LYRM4: variants seen among roughly 807,000 people sequenced by gnomAD.
LYRM4 encodes the protein LYR motif containing 4.
In LYRM4, 9 loss-of-function variants were observed where a neutral mutation model predicts 11.7. That is an observed-to-expected ratio of 0.77 (90% confidence interval 0.46 to 1.34). The LOEUF (loss-of-function observed/expected upper bound fraction) is 1.34. Ranked by LOEUF, LYRM4 falls within the 40% of genes most tolerant of loss-of-function variation. LYRM4 has a pLI of 0.00. For synonymous variants in LYRM4, 42 were observed against 40.4 expected, an observed-to-expected ratio of 1.04 and a Z score of -0.15; for missense variants, 133 against 112.5, an observed-to-expected ratio of 1.18 and a Z score of -0.82.
chr6:5,046,743 C>G, the LYRM4 span, among the ~76,000 whole-genome samples: 1 of 152,148 alleles, frequency 6.6e-6, no homozygotes, highest in Non-Finnish European at 1.5e-5. Flanking sequence ...TTTCTAATGA[C>G]CTAGTCTGAG....
chr6:5,166,997 G>A lies in LYRM4; in HGVS notation c.207+49621C>T, dbSNP rs140664262. On this transcript the variant is annotated intron_variant, in intron 2 of 2. Transcript: ENST00000330636. ...AGCCTCCCAAGATGCTGGTTTTATAGGTGAGAGCTGCCGGCCCAGCCCAAT... is the reference window on the plus strand; with the variant it reads ...AGCCTCCCAAGATGCTGGTTTTATAAGTGAGAGCTGCCGGCCCAGCCCAAT... Among the ~76,000 whole-genome samples, 27 of 152,216 alleles carry A rather than the reference G, an allele frequency of 1.8e-4. No homozygotes were observed. The East Asian group carries it at 4.4e-3, about 25-fold the overall frequency.
At chr6:5,086,440 G>T in the LYRM4 span, 2 of 1,536,602 alleles carry the variant, frequency 1.3e-6, no homozygotes, top group South Asian at 2.4e-5. Context: ...AGAGGACGCC[G>T]ACGAGCGCGG....
rs997423953 is a variant in LYRM4, at chr6:5,113,938, T to C, written c.208-4447A>G. On this transcript the variant is annotated intron_variant, in intron 2 of 2. Transcript: ENST00000330636. ...GAGCCTACGTTATGAAAATTTGAGA[T>C]AACCACATGAGATAACTGTGGCCTG... 2.0e-5 allele frequency among the ~76,000 whole-genome samples: 3 copies of C among 152,258 alleles called. No homozygotes were observed. In the East Asian group the frequency reaches 5.8e-4, roughly 29 times the overall value.
intron 2 of LYRM4, among the ~76,000 whole-genome samples, chr6:5,211,761 A>C (rs1007699044): frequency 9.9e-5 from 15 of 152,250 alleles, no homozygotes; most frequent in Non-Finnish European, 1.8e-4. Context: ...CATCCAGTTT[A>C]TCTTCTTACT....
chr6:5,054,187 A>C, the LYRM4 span: 28 of 788,682 alleles, frequency 3.6e-5, no homozygotes, highest in African/African-American at 4.7e-4. Flanking sequence ...GGGGTGGGAA[A>C]GGAAGGAAAG....
intron 1 of LYRM4, among the ~76,000 whole-genome samples, chr6:5,223,738 T>C (rs1581542638): frequency 2.0e-5 from 3 of 152,082 alleles, no homozygotes; most frequent in African/African-American, 7.2e-5. Context: ...AGTGAAATAA[T>C]TGAGTTTAAT....
chr6:5,083,672 A>G, the LYRM4 span, among the ~76,000 whole-genome samples: 1 of 152,212 alleles, frequency 6.6e-6, no homozygotes. Context: ...GACATCCTGT[A>G]GGTGCTCAGT....
At chr6:5,164,080 C>T (rs1465872391) in intron 2 of LYRM4, among the ~76,000 whole-genome samples, 1 of 152,044 alleles carries the variant, frequency 6.6e-6, no homozygotes, top group African/African-American at 2.4e-5. Flanking sequence ...AAAAATAATA[C>T]AGGAAATACC....
At chr6:5,201,855 T>C (rs1295733641) in intron 2 of LYRM4, among the ~76,000 whole-genome samples, 2 of 152,338 alleles carry the variant, frequency 1.3e-5, no homozygotes, top group East Asian at 1.9e-4. Context: ...CAGCATGATA[T>C]GGTGATGGAG....
chr6:5,237,280 T>C (rs1763605736), intron 1 of LYRM4, among the ~76,000 whole-genome samples: 1 of 152,028 alleles, frequency 6.6e-6, no homozygotes, highest in South Asian at 2.1e-4. Flanking sequence ...GGCATTAGAT[T>C]CTCATAGGAG....
chr6:5,077,445 T>C, the LYRM4 span, among the ~76,000 whole-genome samples: 1 of 152,284 alleles, frequency 6.6e-6, no homozygotes. Context: ...GATGTGGAAG[T>C]GGGAGGTCGC....
chr6:5,175,331 G>C (rs992456815), intron 2 of LYRM4, among the ~76,000 whole-genome samples: 1 of 152,128 alleles, frequency 6.6e-6, no homozygotes, highest in African/African-American at 2.4e-5. Flanking sequence ...CCTCCGTTTG[G>C]AACAGCTGTC....
chr6:5,037,543 T>C, the LYRM4 span, among the ~76,000 whole-genome samples: 2 of 73,600 alleles, frequency 2.7e-5, no homozygotes, highest in Non-Finnish European at 6.5e-5. Context: ...CCAGACGGGG[T>C]CCTGGCCGGG....
chr6:5,194,012 G>A (rs991939614), intron 2 of LYRM4, among the ~76,000 whole-genome samples: 4 of 146,684 alleles, frequency 2.7e-5, no homozygotes, highest in Admixed American at 7.1e-5. Flanking sequence ...TGATTTCAAA[G>A]GTTTAGATCT....
intron 2 of LYRM4, among the ~76,000 whole-genome samples, chr6:5,160,007 G>T (rs910555400): frequency 1.3e-5 from 2 of 152,070 alleles, no homozygotes; most frequent in African/African-American, 4.8e-5. Context: ...TAAAACTTCA[G>T]CTTACGGCTG....
the LYRM4 span, chr6:5,065,801 AT>A: frequency 3.1e-6 from 1 of 320,888 alleles, no homozygotes; most frequent in Non-Finnish European, 5.3e-6. Flanking sequence ...GTTGCTACAT[AT>A]TTACCAGGGT....
intron 2 of LYRM4, among the ~76,000 whole-genome samples, chr6:5,111,254 A>T (rs1483732245): frequency 2.0e-5 from 3 of 152,254 alleles, no homozygotes; most frequent in Admixed American, 2.0e-4. Context: ...AATTAAAACT[A>T]GGCTAATACA....
intron 2 of LYRM4, among the ~76,000 whole-genome samples, chr6:5,182,026 C>T (rs547661750): frequency 7.9e-5 from 12 of 152,292 alleles, no homozygotes; most frequent in Non-Finnish European, 1.3e-4. Context: ...ATACCTCCCC[C>T]CCAATCCCCA....
rs927951774 is a variant in LYRM4, at chr6:5,182,809, G to C, written c.207+33809C>G. ...TTACTAGTTAAATCTAATTTTGCTTGACATTCATGGACCTTCTATATTTTT... is the reference window on the plus strand; with the variant it reads ...TTACTAGTTAAATCTAATTTTGCTTCACATTCATGGACCTTCTATATTTTT... On this transcript the variant is annotated intron_variant, in intron 2 of 2. Transcript: ENST00000330636. Among the ~76,000 whole-genome samples the C allele has an allele frequency of 5.3e-5, 8 of 152,332 alleles. No individual in the cohort carries two copies. In the East Asian group the frequency reaches 1.5e-3, roughly 29 times the overall value.
Sources: allele counts gnomAD v4.1 joint callset (sites outside exome capture counted in the v4.1 genomes callset), GRCh38; gene constraint gnomAD v4.1.1; transcripts MANE v1.5; gene names NCBI Gene and HGNC (gene_info 2026-07-23, HGNC 2026-07-21).